Variants in MEIKIN observed in about 807,000 individuals in gnomAD.
MEIKIN encodes the protein meiosis-specific kinetochore protein.
intron 11 of MEIKIN, among the ~76,000 whole-genome samples, chr5:131,824,697 C>G (rs765709177): frequency 6.6e-6 from 1 of 151,956 alleles, no homozygotes; most frequent in African/African-American, 2.4e-5. Context: ...CAGACTATAA[C>G]AAATAAATGA....
chr5:131,884,285 C>T (rs984031269), intron 8 of MEIKIN, among the ~76,000 whole-genome samples: 2 of 152,130 alleles, frequency 1.3e-5, no homozygotes, highest in Non-Finnish European at 2.9e-5. Context: ...AAAGAGACCC[C>T]TTCCTTTTGC....
At chr5:131,886,494 C>G (rs1750798522) in intron 8 of MEIKIN, among the ~76,000 whole-genome samples, 1 of 152,160 alleles carries the variant, frequency 6.6e-6, no homozygotes, top group Admixed American at 6.6e-5. Flanking sequence ...CAGGGGAGAA[C>G]AGCATGACAT....
chr5:131,939,190 G>A (rs1286816754), intron 4 of MEIKIN, among the ~76,000 whole-genome samples: 2 of 152,190 alleles, frequency 1.3e-5, no homozygotes, highest in Non-Finnish European at 2.9e-5. Flanking sequence ...AAGAAGCATA[G>A]TTGCCTGGCC....
chr5:131,940,959 C>A (rs1751859748), intron 4 of MEIKIN, among the ~76,000 whole-genome samples: 1 of 151,992 alleles, frequency 6.6e-6, no homozygotes, highest in African/African-American at 2.4e-5. Context: ...CAACATTGAC[C>A]CTTAAGAGCC....
chr5:131,893,278 G>T (rs1008488370), intron 8 of MEIKIN, among the ~76,000 whole-genome samples: 1 of 152,198 alleles, frequency 6.6e-6, no homozygotes, highest in Non-Finnish European at 1.5e-5. Flanking sequence ...ACCTAATCAA[G>T]TCTTGGGAAT....
intron 8 of MEIKIN, among the ~76,000 whole-genome samples, chr5:131,891,957 T>C (rs1306878983): frequency 1.3e-5 from 2 of 152,180 alleles, no homozygotes; most frequent in African/African-American, 4.8e-5. Context: ...AAGGATTTTA[T>C]TTCTCCTTCA....
At position 131,944,697 on chromosome 5, in the gene MEIKIN, C is replaced by G; in HGVS notation, c.256G>C (p.Asp86His). 1 of 398,962 alleles carries G rather than the reference C, an allele frequency of 2.5e-6. No individual in the cohort carries two copies. The highest frequency in any genetic ancestry group is 3.6e-5 in the East Asian group (1 of 28,084). The allele number at this position is 398,962 out of a possible 1,614,324, so 24.7% of individuals were successfully genotyped here. A position where few individuals can be genotyped will look rare whatever the true frequency, so the allele number is the denominator to read the frequency against. The stretch of plus-strand genomic sequence containing the variant: ...GATGCAATCTTCTCATCCTGGGTGT[C>G]TTCACTAGACCTATTTTCTTGCAGG... ...KSLQENRSSE[D>H]TQDEKIASLR... is the part of the protein sequence containing the mutation. The change falls in exon 3 of 13, where the codon GAC becomes CAC. Residue 86 changes from aspartate to histidine, a missense_variant. Physicochemically the swap from Asp to His is moderately conservative, Grantham distance 81. Coordinates refer to ENST00000442687, the MANE Select transcript of MEIKIN (RefSeq NM_001303622.2).
chr5:131,845,272 T>TAAAAAAAAAAAAAAAAAAAAAAAAAAAAA lies in MEIKIN; in HGVS notation c.975+5991_975+5992insTTTTTTTTTTTTTTTTTTTTTTTTTTTTT, dbSNP rs1158220526. Among the ~76,000 whole-genome samples the TAAAAAAAAAAAAAAAAAAAAAAAAAAAAA allele has an allele frequency of 1.5e-4, 7 of 45,360 alleles. 2 individuals are homozygous for TAAAAAAAAAAAAAAAAAAAAAAAAAAAAA. Among genetic ancestry groups the TAAAAAAAAAAAAAAAAAAAAAAAAAAAAA allele is most frequent in the African/African-American group, 8.4e-4 (6 of 7,162 alleles). The allele number at this position is 45,360 out of a possible 152,430, so 29.8% of individuals were successfully genotyped here. ...GTGACAGAGCGAGAAGACTTCGTCT[T>TAAAAAAAAAAAAAAAAAAAAAAAAAAAAA]AAAAAAAAAAAAAAAAAAAAAAAAA... On this transcript the variant is annotated intron_variant, in intron 11 of 12. Transcript: ENST00000442687.
chr5:131,824,488 C>A (rs1749575061), intron 11 of MEIKIN, among the ~76,000 whole-genome samples: 1 of 151,950 alleles, frequency 6.6e-6, no homozygotes, highest in Non-Finnish European at 1.5e-5. Context: ...CTGCTACACT[C>A]CAGCCTAAGT....
chr5:131,833,346 T>G (rs538424153), intron 11 of MEIKIN, among the ~76,000 whole-genome samples: 65 of 152,328 alleles, frequency 4.3e-4, no homozygotes, highest in African/African-American at 1.5e-3. Context: ...CATCTCCATC[T>G]GAGACCACCT....
intron 12 of MEIKIN, among the ~76,000 whole-genome samples, chr5:131,812,872 T>A (rs1310525838): frequency 6.6e-6 from 1 of 152,200 alleles, no homozygotes; most frequent in Non-Finnish European, 1.5e-5. Flanking sequence ...CCATCCTCAG[T>A]GGAAAACTAC....
intron 11 of MEIKIN, among the ~76,000 whole-genome samples, chr5:131,825,566 T>C (rs575828302): frequency 6.6e-5 from 10 of 152,292 alleles, no homozygotes; most frequent in Admixed American, 5.9e-4. Flanking sequence ...CACACAGGCA[T>C]GTAGTTCCTT....
intron 9 of MEIKIN, among the ~76,000 whole-genome samples, chr5:131,874,090 A>C (rs1171545598): frequency 6.6e-6 from 1 of 152,154 alleles, no homozygotes; most frequent in African/African-American, 2.4e-5. Flanking sequence ...AATAACTAGA[A>C]AAGCCAGAGC....
Position 131,851,967 on chromosome 5 carries a change from C to T in MEIKIN, c.856-584G>A, listed in dbSNP as rs752211536. ...GGATGACTGTATATAGTTAAGACAA[C>T]TGAAAACATGTTTAACAAACACTTG... is the stretch of plus-strand genomic sequence containing the variant. On this transcript the variant is annotated intron_variant, in intron 10 of 12. Transcript: ENST00000442687. Among the ~76,000 whole-genome samples, 7 of 152,180 alleles carry T rather than the reference C, an allele frequency of 4.6e-5. No individual in the cohort carries two copies. The South Asian group carries it at 1.5e-3, about 32-fold the overall frequency.
intron 6 of MEIKIN, among the ~76,000 whole-genome samples, chr5:131,917,950 G>A (rs1465760304): frequency 2.0e-5 from 3 of 151,704 alleles, no homozygotes; most frequent in Admixed American, 6.6e-5. Flanking sequence ...TTTTTCCCCC[G>A]AGGGTCCAGG....
intron 8 of MEIKIN, among the ~76,000 whole-genome samples, chr5:131,901,678 G>A (rs1214279016): frequency 6.6e-6 from 1 of 152,160 alleles, no homozygotes; most frequent in Non-Finnish European, 1.5e-5. Flanking sequence ...AAAGCCAGGG[G>A]CCTGATACCA....
At chr5:131,837,575 C>T (rs1580866255) in intron 11 of MEIKIN, among the ~76,000 whole-genome samples, 1 of 152,056 alleles carries the variant, frequency 6.6e-6, no homozygotes, top group Non-Finnish European at 1.5e-5. Context: ...TCTTTCACCT[C>T]CCTAGTTAGC....
chr5:131,841,811 G>A (rs956057356), intron 11 of MEIKIN, among the ~76,000 whole-genome samples: 2 of 152,070 alleles, frequency 1.3e-5, no homozygotes, highest in Non-Finnish European at 2.9e-5. Flanking sequence ...CTCCTTGGTT[G>A]TATTTGTTCC....
At chr5:131,811,367 T>C (rs1772949637) in intron 12 of MEIKIN, among the ~76,000 whole-genome samples, 1 of 152,028 alleles carries the variant, frequency 6.6e-6, no homozygotes, top group Non-Finnish European at 1.5e-5. Flanking sequence ...TTTAATTTTT[T>C]ATTTTTGAGA....
Sources: allele counts gnomAD v4.1 joint callset (sites outside exome capture counted in the v4.1 genomes callset), GRCh38; gene constraint gnomAD v4.1.1; transcripts MANE v1.5; gene names NCBI Gene and HGNC (gene_info 2026-07-23, HGNC 2026-07-21).